The following GALNT17 variants were observed in gnomAD, a reference collection of about 807,000 sequenced individuals.
GALNT17 encodes the protein polypeptide N-acetylgalactosaminyltransferase 17.
GALNT17 carries 29 observed loss-of-function variants against 63.7 expected under a neutral mutation model. The observed-to-expected ratio is 0.46, with a 90% CI of 0.34 to 0.62. GALNT17 has a LOEUF of 0.62. Among genes scored for constraint, GALNT17 ranks in the 20% least tolerant of loss-of-function variants. GALNT17 has a pLI of 0.01. For missense variants in GALNT17, 603 were observed against 799.6 expected (o/e 0.75, Z 2.97); for synonymous variants, 305 against 318.3 (o/e 0.96, Z 0.45).
chr7:71,373,109 T>C (rs1251327520), intron 2 of GALNT17, among the ~76,000 whole-genome samples: 5 of 152,156 alleles, frequency 3.3e-5, no homozygotes, highest in African/African-American at 1.2e-4. Flanking sequence ...AAAAACTCAG[T>C]GAAAGGTCAG....
At chr7:71,380,334 A>ATAT (rs936337046) in intron 2 of GALNT17, among the ~76,000 whole-genome samples, 3 of 151,890 alleles carry the variant, frequency 2.0e-5, no homozygotes, top group Non-Finnish European at 2.9e-5. Context: ...ATTAGTATTA[A>ATAT]TATTATTATT....
At chr7:71,199,785 T>C (rs1157784754) in intron 1 of GALNT17, among the ~76,000 whole-genome samples, 1 of 151,450 alleles carries the variant, frequency 6.6e-6, no homozygotes, top group Non-Finnish European at 1.5e-5. Context: ...CACTCATCTA[T>C]CCATATGTAT....
chr7:71,357,136 C>T (rs1483175833), intron 2 of GALNT17, among the ~76,000 whole-genome samples: 1 of 152,000 alleles, frequency 6.6e-6, no homozygotes, highest in Non-Finnish European at 1.5e-5. Flanking sequence ...GTTGTGTCAT[C>T]TGGCCTCTGG....
chr7:71,670,593 C>T (rs1449138439), intron 8 of GALNT17, among the ~76,000 whole-genome samples: 1 of 152,166 alleles, frequency 6.6e-6, no homozygotes, highest in African/African-American at 2.4e-5. Flanking sequence ...CAAATACCAT[C>T]AATATGCATT....
intron 1 of GALNT17, among the ~76,000 whole-genome samples, chr7:71,213,581 T>C (rs569658569): frequency 3.9e-5 from 6 of 152,356 alleles, no homozygotes; most frequent in African/African-American, 1.2e-4. Flanking sequence ...GTTTTTACTT[T>C]TATTTCTTTT....
intron 5 of GALNT17, among the ~76,000 whole-genome samples, chr7:71,537,434 G>C (rs1788819350): frequency 6.6e-6 from 1 of 152,030 alleles, no homozygotes; most frequent in South Asian, 2.1e-4. Context: ...ACGGTTAGGG[G>C]GTCTTTGCAG....
chr7:71,693,307 C>CATATATATATATATATAT (rs1397260396), intron 9 of GALNT17, among the ~76,000 whole-genome samples: 2 of 126,682 alleles, frequency 1.6e-5, no homozygotes, highest in Admixed American at 1.7e-4. Context: ...CACACACACA[C>CATATATATATATATATAT]ACATATATAT....
At chr7:71,321,838 C>CTCCTTCCTTCCTTTCCT (rs1563000882) in intron 1 of GALNT17, among the ~76,000 whole-genome samples, 2 of 142,570 alleles carry the variant, frequency 1.4e-5, no homozygotes, top group East Asian at 4.5e-4. Context: ...AGCTCCCTCC[C>CTCCTTCCTTCCTTTCCT]TCCTTCCTTC....
chr7:71,582,872 T>C (rs949492229), intron 6 of GALNT17, among the ~76,000 whole-genome samples: 3 of 152,114 alleles, frequency 2.0e-5, no homozygotes, highest in South Asian at 4.2e-4. Context: ...CAGGGTATAG[T>C]GCTTGGGTGA....
chr7:71,521,407 C>T (rs559062839), intron 5 of GALNT17, among the ~76,000 whole-genome samples: 4 of 152,294 alleles, frequency 2.6e-5, no homozygotes, highest in South Asian at 2.1e-4. Context: ...CCTTCATCTA[C>T]CATTCGTGTC....
intron 1 of GALNT17, among the ~76,000 whole-genome samples, chr7:71,299,320 G>A (rs1791151176): frequency 6.6e-6 from 1 of 152,158 alleles, no homozygotes; most frequent in African/African-American, 2.4e-5. Flanking sequence ...CCTTGCAGAC[G>A]AGAGGATGGG....
intron 1 of GALNT17, among the ~76,000 whole-genome samples, chr7:71,167,217 G>A (rs750696589): frequency 5.3e-5 from 8 of 151,608 alleles, no homozygotes; most frequent in Admixed American, 2.0e-4. Flanking sequence ...TGTTTTTTCC[G>A]TTTTATATTC....
intron 5 of GALNT17, among the ~76,000 whole-genome samples, chr7:71,487,225 C>A (rs1470288677): frequency 6.6e-6 from 1 of 152,162 alleles, no homozygotes; most frequent in Non-Finnish European, 1.5e-5. Context: ...AGGGATGGGG[C>A]CTATGACAAG....
At position 71,328,969 on chromosome 7, in the gene GALNT17, CA is replaced by C. The variant is rs143619457; in HGVS notation, c.239-6580del. Among the ~76,000 whole-genome samples the C allele has an allele frequency of 3.1e-3, 473 of 152,216 alleles. 4 individuals carry two copies. The highest frequency in any genetic ancestry group is 0.01 in the Middle Eastern group (3 of 294). On this transcript the variant is annotated intron_variant, in intron 1 of 10. Coordinates refer to ENST00000333538, the MANE Select transcript of GALNT17 (RefSeq NM_022479.3). ...CTCTGACTGCATTGGAAAGGCTGCC[CA>C]GGGGGTTGTGCTAGGCAAACACATC...
chr7:71,644,211 G>A (rs959411386), intron 6 of GALNT17, among the ~76,000 whole-genome samples: 2 of 151,644 alleles, frequency 1.3e-5, no homozygotes, highest in East Asian at 1.9e-4. Flanking sequence ...AGACCAGCCC[G>A]GGCAACATAG....
At chr7:71,629,550 G>A (rs1790426200) in intron 6 of GALNT17, among the ~76,000 whole-genome samples, 1 of 152,098 alleles carries the variant, frequency 6.6e-6, no homozygotes, top group South Asian at 2.1e-4. Context: ...TGTGATCATG[G>A]CTCACTGTAC....
chr7:71,421,944 C>G (rs1204333711), intron 5 of GALNT17, among the ~76,000 whole-genome samples: 1 of 143,314 alleles, frequency 7.0e-6, no homozygotes. Flanking sequence ...GAGCAAAACT[C>G]TGTCTCGAAA....
intron 1 of GALNT17, among the ~76,000 whole-genome samples, chr7:71,261,095 T>G (rs888660659): frequency 6.6e-6 from 1 of 152,208 alleles, no homozygotes; most frequent in Non-Finnish European, 1.5e-5. Context: ...GAAGTCCCCA[T>G]GCTCAGGCTA....
chr7:71,486,630 C>A (rs550083344), intron 5 of GALNT17, among the ~76,000 whole-genome samples: 6 of 150,988 alleles, frequency 4.0e-5, no homozygotes, highest in African/African-American at 1.2e-4. Flanking sequence ...AAAAGGCAGG[C>A]GGATTGCTTG....
Sources: allele counts gnomAD v4.1 joint callset (sites outside exome capture counted in the v4.1 genomes callset), GRCh38; gene constraint gnomAD v4.1.1; transcripts MANE v1.5; gene names NCBI Gene and HGNC (gene_info 2026-07-23, HGNC 2026-07-21).